DIP2C: variants seen among roughly 807,000 people sequenced by gnomAD.
The protein encoded by DIP2C is disco-interacting protein 2 homolog C.
DIP2C carries 33 observed loss-of-function variants against 192.4 expected under a neutral mutation model. The ratio of observed to expected loss-of-function variants is 0.17; its 90% CI spans 0.13 to 0.23. The LOEUF (loss-of-function observed/expected upper bound fraction) is 0.23, where lower values mean the gene tolerates loss of function less well. Among genes scored for constraint, DIP2C ranks in the 10% least tolerant of loss-of-function variants. The pLI, the probability that DIP2C is intolerant of heterozygous loss-of-function variation, is 1.00. For synonymous variants in DIP2C, 979 were observed against 864.1 expected (o/e 1.13, Z -2.33); for missense variants, 1,537 against 2,110.1 (o/e 0.73, Z 5.32).
At chr10:602,832 C>T (rs1852183081) in intron 1 of DIP2C, among the ~76,000 whole-genome samples, 1 of 152,142 alleles carries the variant, frequency 6.6e-6, no homozygotes, top group African/African-American at 2.4e-5. Flanking sequence ...AGAAAGATAG[C>T]TGGGCCATGG....
chr10:374,212 A>T lies in DIP2C; in HGVS notation c.1992-4579T>A, dbSNP rs79962922. On this transcript the variant is annotated intron_variant, in intron 17 of 36. Transcript: ENST00000280886. Reference sequence around the variant, plus strand: ...AAGATCATATATTTTCTTTCATTCAATTTTTATACAGCTGGAAATGTATCT... The same window carrying T: ...AAGATCATATATTTTCTTTCATTCATTTTTTATACAGCTGGAAATGTATCT... 3.2e-3 allele frequency among the ~76,000 whole-genome samples: 494 copies of T among 152,270 alleles called. 25 individuals are homozygous for T. The East Asian group carries it at 0.075, about 23-fold the overall frequency.
At chr10:670,176 A>ATGTACACGTG (rs1357323310) in intron 1 of DIP2C, among the ~76,000 whole-genome samples, 4 of 152,262 alleles carry the variant, frequency 2.6e-5, no homozygotes, top group Admixed American at 2.0e-4. Flanking sequence ...ATGCATGAAC[A>ATGTACACGTG]TGTACACGTG....
chr10:689,350 G>T lies in DIP2C; in HGVS notation c.85+144C>A. ...CTAGGGCGCGGGGTCTGGGGGTCCG[G>T]GGGACGCGCACGCTCCGGGCTGGGG... On this transcript the variant is annotated intron_variant, in intron 1 of 36. Coordinates refer to ENST00000280886, the MANE Select transcript of DIP2C (RefSeq NM_014974.3). This position sits in a 1 kb window ranked among gnomAD's most constrained non-coding sequence, Gnocchi z 6.1. 1 of 335,904 alleles carries T rather than the reference G, an allele frequency of 3.0e-6. No homozygotes were observed. The highest frequency in any genetic ancestry group is 4.3e-6 in the Non-Finnish European group (1 of 234,488). 20.8% of individuals were successfully genotyped at this position (335,904 alleles called of 1,614,324 possible).
chr10:468,895 G>A (rs534636860), intron 3 of DIP2C, among the ~76,000 whole-genome samples: 2 of 152,302 alleles, frequency 1.3e-5, no homozygotes, highest in East Asian at 1.9e-4. Flanking sequence ...CTTCCTAATC[G>A]TTCATAGTAT....
At chr10:484,989 GT>G (rs746629884) in intron 2 of DIP2C, 3 of 1,554,362 alleles carry the variant, frequency 1.9e-6, no homozygotes, top group African/African-American at 1.4e-5. Flanking sequence ...TCAAACTTTA[GT>G]TTTTTTTAAA....
intron 1 of DIP2C, among the ~76,000 whole-genome samples, chr10:596,942 G>C (rs146539838): frequency 6.6e-6 from 1 of 152,384 alleles, no homozygotes; most frequent in East Asian, 1.9e-4. Context: ...GGCCACACGT[G>C]GCATTGGTTT....
chr10:410,818 G>A (rs1399031015), intron 8 of DIP2C, among the ~76,000 whole-genome samples: 2 of 152,184 alleles, frequency 1.3e-5, no homozygotes, highest in African/African-American at 2.4e-5. Flanking sequence ...AAAAATTCTT[G>A]AAATATATTT....
At chr10:414,901 T>C (rs1406017993) in intron 7 of DIP2C, among the ~76,000 whole-genome samples, 1 of 104,566 alleles carries the variant, frequency 9.6e-6, no homozygotes, top group East Asian at 2.3e-4. Flanking sequence ...TATATATATA[T>C]ATATATTTTT....
chr10:414,727 G>GTATATA (rs1305381030), intron 7 of DIP2C, among the ~76,000 whole-genome samples: 35 of 70,388 alleles, frequency 5.0e-4, no homozygotes, highest in African/African-American at 1.9e-3. Context: ...GTGTGTGTGT[G>GTATATA]TGTGTGTGTG....
intron 3 of DIP2C, among the ~76,000 whole-genome samples, chr10:449,783 A>T (rs1055836517): frequency 5.6e-5 from 6 of 106,406 alleles, no homozygotes; most frequent in East Asian, 3.0e-4. Context: ...AAGTATAATT[A>T]AAAAAAAAAA....
chr10:428,071 A>G (rs2133198335), intron 4 of DIP2C, among the ~76,000 whole-genome samples: 1 of 152,344 alleles, frequency 6.6e-6, no homozygotes, highest in African/African-American at 2.4e-5. Flanking sequence ...TAATTCAACA[A>G]TAAGAAGGAA....
chr10:570,806 CACA>C (rs1237083281), intron 1 of DIP2C, among the ~76,000 whole-genome samples: 5 of 152,264 alleles, frequency 3.3e-5, no homozygotes, highest in African/African-American at 4.8e-5. Context: ...TTCATTTCAG[CACA>C]ACATTTCCAT....
chr10:574,186 C>T (rs1850002193), intron 1 of DIP2C, among the ~76,000 whole-genome samples: 1 of 152,164 alleles, frequency 6.6e-6, no homozygotes, highest in Admixed American at 6.5e-5. Context: ...CTGCTTTTAG[C>T]AATAGGCTTT....
chr10:321,035 G>A (rs905162725), intron 31 of DIP2C, among the ~76,000 whole-genome samples: 12 of 152,338 alleles, frequency 7.9e-5, no homozygotes, highest in African/African-American at 2.9e-4. Context: ...GACTGCATGA[G>A]AAAGTGGCTT....
At chr10:580,185 G>A (rs75989970) in intron 1 of DIP2C, among the ~76,000 whole-genome samples, 2,519 of 152,008 alleles carry the variant, frequency 0.017, 56 homozygotes, top group African/African-American at 0.057. Context: ...CTACACATGC[G>A]TAGTGTATAC....
At chr10:555,060 C>G (rs1365972394) in intron 1 of DIP2C, among the ~76,000 whole-genome samples, 2 of 151,784 alleles carry the variant, frequency 1.3e-5, no homozygotes, top group Non-Finnish European at 3.0e-5. Context: ...TAAAAAAAAT[C>G]ATGTTTATCA....
intron 1 of DIP2C, among the ~76,000 whole-genome samples, chr10:685,892 C>T (rs568195968): frequency 8.5e-5 from 13 of 152,120 alleles, no homozygotes; most frequent in South Asian, 4.2e-4. Flanking sequence ...ACTCAGGAGG[C>T]GGAGGTTGCA....
chr10:303,412 A>G (rs947400167), intron 32 of DIP2C, among the ~76,000 whole-genome samples: 5 of 152,250 alleles, frequency 3.3e-5, no homozygotes, highest in Non-Finnish European at 7.3e-5. Flanking sequence ...TCTATGTTGT[A>G]AATTCCTTAA....
chr10:576,510 G>C (rs1173421967), intron 1 of DIP2C, among the ~76,000 whole-genome samples: 1 of 152,214 alleles, frequency 6.6e-6, no homozygotes, highest in Non-Finnish European at 1.5e-5. Flanking sequence ...TGCCATGAGC[G>C]CTAAATTAGC....
Sources: allele counts gnomAD v4.1 joint callset (sites outside exome capture counted in the v4.1 genomes callset), GRCh38; gene constraint gnomAD v4.1.1; non-coding constraint Gnocchi (gnomAD v3.1); transcripts MANE v1.5; gene names NCBI Gene and HGNC (gene_info 2026-07-23, HGNC 2026-07-21).